Variants in SETBP1 observed in about 807,000 individuals in gnomAD.
The protein encoded by SETBP1 is SET binding protein 1, also known as SET-binding protein.
Under a neutral mutation model 101.0 loss-of-function variants are expected in SETBP1, and 9 were observed. The ratio of observed to expected loss-of-function variants is 0.09; its 90% confidence interval spans 0.05 to 0.16. SETBP1 has a LOEUF of 0.16. Among genes scored for constraint, SETBP1 ranks in the 10% least tolerant of loss-of-function variants. SETBP1 has a pLI of 1.00. For missense variants in SETBP1, 1,858 were observed against 2,033.8 expected (o/e 0.91, Z 1.66); for synonymous variants, 818 against 788.5 (o/e 1.04, Z -0.63).
chr18:45,015,948 A>G (rs1233418673), intron 4 of SETBP1, among the ~76,000 whole-genome samples: 2 of 152,228 alleles, frequency 1.3e-5, no homozygotes, highest in African/African-American at 4.8e-5. Context: ...TATGAGAAGA[A>G]GTATTACCAT....
At chr18:44,725,779 T>A (rs1488615208) in intron 2 of SETBP1, among the ~76,000 whole-genome samples, 2 of 152,152 alleles carry the variant, frequency 1.3e-5, no homozygotes, top group Non-Finnish European at 2.9e-5. Flanking sequence ...CAGGAAGTGA[T>A]GACTCAGATT....
Position 44,920,975 on chromosome 18 carries a change from C to T in SETBP1, c.541-28906C>T, listed in dbSNP as rs79889937. Among the ~76,000 whole-genome samples the T allele has an allele frequency of 1.4e-3, 209 of 152,242 alleles. 1 individual carries two copies. Among genetic ancestry groups the T allele is most frequent in the East Asian group, 2.7e-3 (14 of 5,186 alleles). On this transcript the variant is annotated intron_variant, in intron 3 of 5. Transcript: ENST00000649279. Reference sequence around the variant, plus strand: ...CAGGAATATGGTGTAATTGGAATAGCGCTGAACTGACAAGTCTGAGGCCTC... The same window carrying T: ...CAGGAATATGGTGTAATTGGAATAGTGCTGAACTGACAAGTCTGAGGCCTC...
chr18:44,703,867 C>T (rs2069165195), intron 2 of SETBP1, among the ~76,000 whole-genome samples: 1 of 152,160 alleles, frequency 6.6e-6, no homozygotes, highest in Admixed American at 6.5e-5. Flanking sequence ...TGAGGCTTTG[C>T]ATTGGAGTTG....
intron 2 of SETBP1, among the ~76,000 whole-genome samples, chr18:44,832,481 G>A (rs915552386): frequency 4.6e-5 from 7 of 152,212 alleles, no homozygotes; most frequent in Non-Finnish European, 8.8e-5. Flanking sequence ...GTCAGGGCGA[G>A]CCCCTCTAGC....
chr18:45,029,003 C>T (rs150000573), intron 4 of SETBP1, among the ~76,000 whole-genome samples: 14,592 of 152,196 alleles, frequency 0.096, 1,002 homozygotes, highest in African/African-American at 0.19. Context: ...TGTGCAAAAG[C>T]TCTTTAGTTT....
intron 3 of SETBP1, among the ~76,000 whole-genome samples, chr18:44,928,160 A>G (rs1428616121): frequency 6.6e-6 from 1 of 152,068 alleles, no homozygotes; most frequent in East Asian, 1.9e-4. Context: ...ATTCCCACCT[A>G]TGGGGGAGAA....
intron 2 of SETBP1, among the ~76,000 whole-genome samples, chr18:44,742,841 G>A (rs746666352): frequency 4.6e-5 from 7 of 151,920 alleles, no homozygotes; most frequent in African/African-American, 7.3e-5. Context: ...ATTATCACTG[G>A]TTCTGTTGCT....
In SETBP1 at chr18:45,047,780, G is replaced by C. The variant is rs972656328; in HGVS notation, c.4171+9125G>C. Among the ~76,000 whole-genome samples, 6 of 152,152 alleles carry C rather than the reference G, an allele frequency of 3.9e-5. No homozygotes were observed. In the East Asian group the frequency reaches 1.2e-3, roughly 29 times the overall value. ...CAGTCTAAGACAGCAGAGAGACAGA[G>C]AAGAGGCATGGAGAGAAAGGAGGCA... On this transcript the variant is annotated intron_variant, in intron 5 of 5. Coordinates refer to ENST00000649279, the MANE Select transcript of SETBP1 (RefSeq NM_015559.3).
chr18:44,827,308 A>T (rs2072259434), intron 2 of SETBP1, among the ~76,000 whole-genome samples: 2 of 152,226 alleles, frequency 1.3e-5, no homozygotes, highest in African/African-American at 4.8e-5. Context: ...TTCTAACTGC[A>T]TCCCCTTCCT....
chr18:44,984,821 G>A (rs531999326), intron 4 of SETBP1, among the ~76,000 whole-genome samples: 2 of 152,134 alleles, frequency 1.3e-5, no homozygotes, highest in Admixed American at 6.5e-5. Flanking sequence ...GAGAAGGCAC[G>A]AATTTTAAGT....
At chr18:44,971,693 C>G (rs2071864127) in intron 4 of SETBP1, among the ~76,000 whole-genome samples, 1 of 152,218 alleles carries the variant, frequency 6.6e-6, no homozygotes, top group African/African-American at 2.4e-5. Flanking sequence ...AGTGTCTGTT[C>G]ATATCCTTTG....
intron 2 of SETBP1, among the ~76,000 whole-genome samples, chr18:44,836,207 C>T (rs1419336384): frequency 6.6e-6 from 1 of 151,898 alleles, no homozygotes; most frequent in Non-Finnish European, 1.5e-5. Flanking sequence ...AAAGTTTGAT[C>T]CACAAACACT....
At chr18:44,923,091 A>T (rs1026180689) in intron 3 of SETBP1, among the ~76,000 whole-genome samples, 4 of 152,186 alleles carry the variant, frequency 2.6e-5, no homozygotes, top group African/African-American at 7.2e-5. Flanking sequence ...GTGTCATGAT[A>T]TTACAGATCT....
intron 2 of SETBP1, among the ~76,000 whole-genome samples, chr18:44,756,950 C>T (rs371946355): frequency 1.1e-4 from 17 of 152,256 alleles, no homozygotes; most frequent in East Asian, 1.9e-4. Context: ...ATGACATTAC[C>T]GGTTCACAAA....
chr18:44,752,220 G>A (rs1026508354), intron 2 of SETBP1, among the ~76,000 whole-genome samples: 2 of 152,214 alleles, frequency 1.3e-5, no homozygotes, highest in Non-Finnish European at 2.9e-5. Context: ...CAATCCAGGT[G>A]ATTTACCAAT....
intron 2 of SETBP1, among the ~76,000 whole-genome samples, chr18:44,805,403 TAA>T (rs1491486172): frequency 6.9e-6 from 1 of 144,414 alleles, no homozygotes; most frequent in East Asian, 2.0e-4. Context: ...TATGCACATG[TAA>T]GTGTGTGTGT....
At chr18:44,835,804 G>C (rs1053335747) in intron 2 of SETBP1, among the ~76,000 whole-genome samples, 1 of 152,212 alleles carries the variant, frequency 6.6e-6, no homozygotes, top group African/African-American at 2.4e-5. Flanking sequence ...TCTGTACCTA[G>C]GAATGAATTA....
chr18:44,849,549 T>C (rs1351760428), intron 2 of SETBP1, among the ~76,000 whole-genome samples: 1 of 152,114 alleles, frequency 6.6e-6, no homozygotes, highest in Non-Finnish European at 1.5e-5. Context: ...GTGAGGTGGG[T>C]GCGGGGTGTG....
chr18:44,853,977 G>A (rs997245778), intron 2 of SETBP1, among the ~76,000 whole-genome samples: 3 of 151,980 alleles, frequency 2.0e-5, no homozygotes, highest in Admixed American at 6.6e-5. Flanking sequence ...ACATCAGACC[G>A]GTCTTCATTA....
Sources: gnomAD v4.1 joint callset for allele counts (sites outside exome capture counted in the v4.1 genomes callset) on GRCh38, gnomAD v4.1.1 for gene constraint, MANE v1.5 for transcripts, NCBI Gene and HGNC (gene_info 2026-07-23, HGNC 2026-07-21) for gene names.